SVOP: variants seen among roughly 807,000 people sequenced by gnomAD.
The protein encoded by SVOP is synaptic vesicle 2-related protein.
In SVOP, 17 loss-of-function variants were observed where a neutral mutation model predicts 69.1. The observed-to-expected ratio is 0.25, with a 90% confidence interval of 0.17 to 0.37. SVOP has a LOEUF of 0.37. Ranked by LOEUF, SVOP falls within the 10% of genes least tolerant of loss-of-function variation. SVOP has a pLI of 1.00. For missense variants in SVOP, 435 were observed against 597.5 expected, an observed-to-expected ratio of 0.73 and a Z score of 2.84; for synonymous variants, 238 against 238.6, an observed-to-expected ratio of 1.00 and a Z score of 0.02.
At chr12:108,948,635 T>C (rs1260180078) in intron 6 of SVOP, among the ~76,000 whole-genome samples, 1 of 152,248 alleles carries the variant, frequency 6.6e-6, no homozygotes, top group Non-Finnish European at 1.5e-5. Context: ...CTGAAGTCTT[T>C]GTCTTCACAT....
intron 6 of SVOP, among the ~76,000 whole-genome samples, chr12:108,956,175 G>C (rs561572217): frequency 2.0e-5 from 3 of 151,846 alleles, no homozygotes; most frequent in Admixed American, 2.0e-4. Flanking sequence ...GGTGTCAGGC[G>C]CCTGTAGTCC....
rs1226807536 is a variant in SVOP, at chr12:108,997,790, T to C, written c.36-14029A>G. On this transcript the variant is annotated intron_variant, in intron 1 of 15. Coordinates refer to ENST00000610966, the MANE Select transcript of SVOP (RefSeq NM_018711.5). ...GAAAACTAACAAACAGAAAGGACAT[T>C]CACACCAAAAACCCATCTGTACATC... 4.3e-3 allele frequency among the ~76,000 whole-genome samples: 645 copies of C among 151,340 alleles called. 1 individual carries two copies. Among genetic ancestry groups the C allele is most frequent in the African/African-American group, 9.4e-3 (386 of 41,084 alleles).
chr12:109,015,422 G>A (rs1405381849), intron 1 of SVOP, among the ~76,000 whole-genome samples: 1 of 152,214 alleles, frequency 6.6e-6, no homozygotes, highest in South Asian at 2.1e-4. Flanking sequence ...ATCCCAGTGA[G>A]AGAGGATGGA....
At position 108,909,102 on chromosome 12, in the gene SVOP, A is replaced by G. The variant is rs57474098; in HGVS notation, c.*3433T>C. The G allele has an allele frequency of 0.21, 32,366 of 152,158 alleles. 6,971 individuals are homozygous for G. Among genetic ancestry groups the G allele is most frequent in the African/African-American group, 0.56 (23,187 of 41,462 alleles). 9.4% of individuals were successfully genotyped at this position (152,158 alleles called of 1,614,324 possible). A position where few individuals can be genotyped will look rare whatever the true frequency, so the allele number is the denominator to read the frequency against. The stretch of plus-strand genomic sequence containing the variant: ...CATGAGGTTTCAAGCACAGGGTCAG[A>G]TGGCCAACATGCAGAGGATGGTGAA... On this transcript the variant is annotated 3_prime_UTR_variant, in exon 16 of 16. Transcript: ENST00000610966.
At chr12:108,941,151 T>C (rs903338122) in intron 7 of SVOP, among the ~76,000 whole-genome samples, 1 of 152,164 alleles carries the variant, frequency 6.6e-6, no homozygotes, top group Admixed American at 6.5e-5. Context: ...AGCTGAGCAA[T>C]GTGGCAGCTT....
In SVOP at chr12:108,978,659, A is replaced by G. The variant is rs1473811662; in HGVS notation, c.201T>C (p.Thr67=). 1 of 703,992 alleles carries G rather than the reference A, an allele frequency of 1.4e-6. No homozygotes were observed. Among genetic ancestry groups the G allele is most frequent in the Non-Finnish European group, 2.6e-6 (1 of 384,912 alleles). 43.6% of individuals were successfully genotyped at this position (703,992 alleles called of 1,614,324 possible). A position where few individuals can be genotyped will look rare whatever the true frequency, so the allele number is the denominator to read the frequency against. ...CTTCCACTGCATCTTCCACCATGAA[A>G]GTATCTGGGAAGGAGAAAGGGAGAG... The part of the protein sequence containing the change: ...PKEFANPTDD[T]FMVEDAVEAI... The change falls in exon 3 of 16, where the codon ACT becomes ACC. Residue 67 remains threonine, a synonymous_variant. Coordinates refer to ENST00000610966, the MANE Select transcript of SVOP (RefSeq NM_018711.5).
At chr12:108,962,104 A>T (rs2040021590) in intron 5 of SVOP, among the ~76,000 whole-genome samples, 1 of 152,066 alleles carries the variant, frequency 6.6e-6, no homozygotes, top group Non-Finnish European at 1.5e-5. Context: ...TTTCTTTCTT[A>T]TTTATTTATT....
intron 9 of SVOP, 107 bp from the exon 10 acceptor site, chr12:108,937,444 G>T: frequency 9.3e-7 from 1 of 1,078,152 alleles, no homozygotes; most frequent in Non-Finnish European, 1.4e-6. Flanking sequence ...AAGGTTTCTA[G>T]TAAGTAGGAC....
chr12:108,997,384 A>C (rs1593204305), intron 1 of SVOP, among the ~76,000 whole-genome samples: 1 of 150,316 alleles, frequency 6.7e-6, no homozygotes, highest in Non-Finnish European at 1.5e-5. Flanking sequence ...AGGCTGGGGG[A>C]GGGGCGCCCG....
chr12:108,982,120 TTCA>T (rs1360612322), intron 2 of SVOP, among the ~76,000 whole-genome samples: 13 of 145,598 alleles, frequency 8.9e-5, no homozygotes, highest in Non-Finnish European at 1.8e-4. Flanking sequence ...AACCACCATC[TTCA>T]TCATCATCAT....
intron 11 of SVOP, among the ~76,000 whole-genome samples, chr12:108,927,589 C>CTCTCTCTT (rs1186256960): frequency 7.6e-5 from 10 of 131,264 alleles, no homozygotes; most frequent in African/African-American, 2.9e-4. Context: ...CTCTCTCTCT[C>CTCTCTCTT]TTTTTTTTTT....
chr12:108,917,646 CTTT>C (rs57114699), intron 14 of SVOP, among the ~76,000 whole-genome samples: 1 of 144,228 alleles, frequency 6.9e-6, no homozygotes, highest in Non-Finnish European at 1.5e-5. Flanking sequence ...CCACCTCATT[CTTT>C]TTTTTTTTTT....
chr12:108,968,707 T>C (rs1299581310), intron 5 of SVOP, among the ~76,000 whole-genome samples: 1 of 81,732 alleles, frequency 1.2e-5, no homozygotes, highest in Non-Finnish European at 3.0e-5. Context: ...TATGGATTCC[T>C]GAAGTGTGTG....
Position 108,974,730 on chromosome 12 carries a change from C to CAA in SVOP, c.382-2256_382-2255dup, listed in dbSNP as rs368207920. Among the ~76,000 whole-genome samples the CAA allele has an allele frequency of 8.7e-4, 129 of 148,946 alleles. 1 individual carries two copies. Among genetic ancestry groups the CAA allele is most frequent in the South Asian group, 3.2e-3 (15 of 4,684 alleles). ...TGGGCAACACAGAGAGACCCTATTT[C>CAA]AAAAAAAAAATACATTAAGGTAAAA... On this transcript the variant is annotated intron_variant, in intron 4 of 15. Transcript: ENST00000610966.
chr12:108,944,874 C>A (rs1032485845), intron 7 of SVOP, among the ~76,000 whole-genome samples: 3 of 152,126 alleles, frequency 2.0e-5, no homozygotes, highest in Non-Finnish European at 4.4e-5. Flanking sequence ...GCCGACACTT[C>A]TTTTTTTGAG....
Position 108,977,383 on chromosome 12 carries a change from T to A in SVOP, c.381+15A>T, listed in dbSNP as rs2040112118. The A allele has an allele frequency of 1.3e-6, 2 of 1,536,642 alleles. No homozygotes were observed. The highest frequency in any genetic ancestry group is 2.7e-5 in the African/African-American group (2 of 73,032). On this transcript the variant is annotated intron_variant, in intron 4 of 15. Coordinates refer to ENST00000610966, the MANE Select transcript of SVOP (RefSeq NM_018711.5). ...AGAACTGTATGCAACAGAAGGGAGC[T>A]GCTGGGCTGCCTACCGAGGTCAGCA...
chr12:108,992,759 C>T (rs966999467), intron 1 of SVOP, among the ~76,000 whole-genome samples: 35 of 152,080 alleles, frequency 2.3e-4, no homozygotes, highest in African/African-American at 8.0e-4. Context: ...TGGGGAGTCA[C>T]AGCTTAATGG....
intron 6 of SVOP, among the ~76,000 whole-genome samples, chr12:108,959,936 C>T (rs1488995680): frequency 1.3e-5 from 2 of 152,186 alleles, no homozygotes; most frequent in African/African-American, 4.8e-5. Flanking sequence ...AGTTACTTTA[C>T]CTCTCTGTGC....
chr12:108,960,444 T>C (rs1240476435), intron 6 of SVOP, among the ~76,000 whole-genome samples: 1 of 152,134 alleles, frequency 6.6e-6, no homozygotes, highest in Non-Finnish European at 1.5e-5. Context: ...CTGAGTGACA[T>C]GTGGTTAGCA....
Sources: gnomAD v4.1 joint callset for allele counts (sites outside exome capture counted in the v4.1 genomes callset) on GRCh38, gnomAD v4.1.1 for gene constraint, MANE v1.5 for transcripts, NCBI Gene and HGNC (gene_info 2026-07-23, HGNC 2026-07-21) for gene names.